PRH1: variants seen among roughly 807,000 people sequenced by gnomAD.
PRH1 encodes the protein salivary acidic proline-rich phosphoprotein 1/2.
PRH1 carries 7 observed loss-of-function variants against 7.9 expected under a neutral mutation model. The ratio of observed to expected loss-of-function variants is 0.89; its 90% confidence interval spans 0.50 to 1.67. The LOEUF is 1.67. Ranked by LOEUF, PRH1 falls within the 40% of genes most tolerant of loss-of-function variation. PRH1 has a pLI of 0.00. For synonymous variants in PRH1, 45 were observed against 80.8 expected (o/e 0.56, Z 2.38); for missense variants, 109 against 223.6 (o/e 0.49, Z 3.27).
chr12:11,078,197 CA>C, intron 1 of PRH1: 1 of 502,772 alleles, frequency 2.0e-6, no homozygotes, highest in Admixed American at 2.8e-5. Flanking sequence ...AGAACAAATG[CA>C]AACACTACCA....
intron 1 of PRH1, among the ~76,000 whole-genome samples, chr12:11,112,103 G>C (rs1945606297): frequency 6.6e-6 from 1 of 152,098 alleles, no homozygotes; most frequent in Non-Finnish European, 1.5e-5. Context: ...TCTAAACCAG[G>C]AAGAAGTCAA....
chr12:10,983,844 A>G (rs889971187), intron 1 of PRH1, among the ~76,000 whole-genome samples: 5 of 152,108 alleles, frequency 3.3e-5, no homozygotes, highest in Admixed American at 1.3e-4. Context: ...GCTTTGCCTC[A>G]ATTTCCACAT....
intron 1 of PRH1, among the ~76,000 whole-genome samples, chr12:11,100,570 GT>G (rs1477413350): frequency 1.3e-5 from 2 of 152,154 alleles, no homozygotes; most frequent in Non-Finnish European, 2.9e-5. Context: ...ATTTTAAGCT[GT>G]TTTTATTAGC....
chr12:10,884,456 C>T (rs1055894906), upstream of PRH1, among the ~76,000 whole-genome samples: 4 of 152,190 alleles, frequency 2.6e-5, no homozygotes, highest in Non-Finnish European at 5.9e-5. Context: ...TCCTAAAAGG[C>T]ACAACTATGA....
chr12:10,975,554 C>A (rs1009771811), intron 1 of PRH1, among the ~76,000 whole-genome samples: 3 of 152,078 alleles, frequency 2.0e-5, no homozygotes, highest in African/African-American at 7.2e-5. Flanking sequence ...ATGAAACAAT[C>A]AAATCTTCAC....
intron 1 of PRH1, among the ~76,000 whole-genome samples, chr12:11,146,046 T>C (rs1383041201): frequency 1.3e-5 from 2 of 152,132 alleles, no homozygotes; most frequent in Non-Finnish European, 2.9e-5. Context: ...AGATATAAAG[T>C]GTATGTATTT....
chr12:10,985,900 A>C (rs1049623078), intron 1 of PRH1: 1 of 1,490,518 alleles, frequency 6.7e-7, no homozygotes, highest in Admixed American at 2.1e-5. Flanking sequence ...GTTTTCTCCT[A>C]GAATACACAC....
intron 1 of PRH1, among the ~76,000 whole-genome samples, chr12:10,975,522 A>G (rs1354472201): frequency 1.3e-5 from 2 of 152,212 alleles, no homozygotes; most frequent in African/African-American, 2.4e-5. Context: ...CCCAATCTGC[A>G]TAATAACCAG....
intron 1 of PRH1, chr12:10,997,707 C>T: frequency 6.2e-7 from 1 of 1,613,780 alleles, no homozygotes. Flanking sequence ...CAGAGCAAAC[C>T]AACTCTGGAG....
intron 2 of PRH1, among the ~76,000 whole-genome samples, chr12:10,910,160 C>A (rs998958387): frequency 6.6e-6 from 1 of 152,120 alleles, no homozygotes; most frequent in Non-Finnish European, 1.5e-5. Context: ...GGCCTATGTC[C>A]CAAGACCCCC....
At position 11,054,795 on chromosome 12, in the gene PRH1, C is replaced by CTT. The variant is rs71051560; in HGVS notation, n.124-7609_124-7608dup. Among the ~76,000 whole-genome samples, 20 of 52,798 alleles carry CTT rather than the reference C, an allele frequency of 3.8e-4. 1 individual carries two copies. The highest frequency in any genetic ancestry group is 8.9e-4 in the African/African-American group (13 of 14,686). The allele number at this position is 52,798 out of a possible 152,430, so 34.6% of individuals were successfully genotyped here. On this transcript the variant is annotated intron_variant and non_coding_transcript_variant, in intron 1 of 4. Transcript: ENST00000541977. ...TACAGATGCTCAGAATCTGATGTTT[C>CTT]TTTTTTTTTTTTTTTTTTTTTTTTT...
chr12:11,011,530 C>A (rs1211839688), intron 1 of PRH1, among the ~76,000 whole-genome samples: 2 of 152,052 alleles, frequency 1.3e-5, no homozygotes, highest in Admixed American at 1.3e-4. Context: ...AATATTTTTC[C>A]TTGTTTAACC....
chr12:11,160,765 G>T (rs182848312), intron 1 of PRH1, among the ~76,000 whole-genome samples: 1 of 152,186 alleles, frequency 6.6e-6, no homozygotes, highest in African/African-American at 2.4e-5. Context: ...GAGCCACCAC[G>T]CCTGGCCCTG....
At chr12:11,021,840 AC>A in intron 1 of PRH1, 1 of 1,614,258 alleles carries the variant, frequency 6.2e-7, no homozygotes. Flanking sequence ...ATGTGATTAT[AC>A]ACAGAAAGTA....
In PRH1 at chr12:11,082,798, C is replaced by T. The variant is rs796562067; in HGVS notation, n.124-35610G>A. ...GTTCTGGCTGTTTAATTTTGTTCCA[C>T]TTCCATATGAACTTACACAAATACT... On this transcript the variant is annotated intron_variant and non_coding_transcript_variant, in intron 1 of 4. Transcript: ENST00000541977. Among the ~76,000 whole-genome samples the T allele has an allele frequency of 2.0e-5, 2 of 100,858 alleles. 1 individual carries two copies. The highest frequency in any genetic ancestry group is 4.8e-5 in the Non-Finnish European group (2 of 41,650). The allele number at this position is 100,858 out of a possible 152,430, so 66.2% of individuals were successfully genotyped here.
intron 1 of PRH1, among the ~76,000 whole-genome samples, chr12:11,143,113 T>C (rs1946753162): frequency 8.5e-6 from 1 of 117,284 alleles, no homozygotes; most frequent in South Asian, 2.3e-4. Context: ...AATCATGAAC[T>C]GACAAAAAAA....
upstream of PRH1, among the ~76,000 whole-genome samples, chr12:10,886,133 G>A (rs1949488651): frequency 6.6e-6 from 1 of 152,184 alleles, no homozygotes; most frequent in African/African-American, 2.4e-5. Flanking sequence ...CAGAGTAGTT[G>A]CTTGAGCCCA....
intron 1 of PRH1, among the ~76,000 whole-genome samples, chr12:11,008,148 G>C (rs1288472333): frequency 1.3e-5 from 2 of 151,932 alleles, no homozygotes; most frequent in African/African-American, 4.8e-5. Context: ...ATACGGGGTT[G>C]GCAGGTGACA....
chr12:11,001,285 C>T (rs1335716587), intron 1 of PRH1, among the ~76,000 whole-genome samples: 1 of 152,026 alleles, frequency 6.6e-6, no homozygotes, highest in African/African-American at 2.4e-5. Flanking sequence ...AGCACCTCAA[C>T]CCTAGCTACA....
Sources: gnomAD v4.1 joint callset for allele counts (sites outside exome capture counted in the v4.1 genomes callset) on GRCh38, gnomAD v4.1.1 for gene constraint, MANE v1.5 for transcripts, NCBI Gene and HGNC (gene_info 2026-07-23, HGNC 2026-07-21) for gene names.